The following GPR176 variants were observed in gnomAD, a reference collection of about 807,000 sequenced individuals.
GPR176 encodes the protein G protein-coupled receptor 176, also known as G-protein coupled receptor 176.
GPR176 carries 26 observed loss-of-function variants against 35.4 expected under a neutral mutation model. That is an observed-to-expected ratio of 0.74 (90% CI 0.54 to 1.02). The LOEUF (loss-of-function observed/expected upper bound fraction) is 1.02. GPR176 is among the 50% of genes least tolerant of loss of function. GPR176 has a pLI of 0.00. For synonymous variants in GPR176, 278 were observed against 271.3 expected (o/e 1.02, Z -0.24); for missense variants, 597 against 665.3 (o/e 0.90, Z 1.13).
At chr15:39,846,451 G>T (rs935674711) in intron 1 of GPR176, among the ~76,000 whole-genome samples, 1 of 152,200 alleles carries the variant, frequency 6.6e-6, no homozygotes, top group Non-Finnish European at 1.5e-5. Context: ...ACAGAGGCCA[G>T]ATGGGGAACC....
chr15:39,876,428 C>T (rs1431332311), intron 1 of GPR176, among the ~76,000 whole-genome samples: 1 of 151,976 alleles, frequency 6.6e-6, no homozygotes, highest in Non-Finnish European at 1.5e-5. Flanking sequence ...TGGATTTAAA[C>T]ACACCTTCTC....
intron 1 of GPR176, among the ~76,000 whole-genome samples, chr15:39,835,541 T>C (rs1901345832): frequency 6.6e-6 from 1 of 152,148 alleles, no homozygotes; most frequent in Non-Finnish European, 1.5e-5. Flanking sequence ...AGCATCTTTA[T>C]AGCTCATTAT....
chr15:39,902,341 G>C (rs900339246), intron 1 of GPR176, among the ~76,000 whole-genome samples: 2 of 152,114 alleles, frequency 1.3e-5, no homozygotes, highest in African/African-American at 4.8e-5. Flanking sequence ...AGAGCCCATT[G>C]ATTTGTTATT....
chr15:39,836,356 T>C (rs912371687), intron 1 of GPR176, among the ~76,000 whole-genome samples: 3 of 152,110 alleles, frequency 2.0e-5, no homozygotes, highest in Admixed American at 6.6e-5. Context: ...ATATGATATC[T>C]GGTTGCTTAA....
At chr15:39,868,597 T>G (rs2031919769) in intron 1 of GPR176, among the ~76,000 whole-genome samples, 1 of 152,228 alleles carries the variant, frequency 6.6e-6, no homozygotes, top group Non-Finnish European at 1.5e-5. Context: ...ACAGTCATTT[T>G]TAGAACTACT....
Position 39,851,187 on chromosome 15 carries a change from T to C in GPR176, c.173-43929A>G, listed in dbSNP as rs370304483. On this transcript the variant is annotated intron_variant, in intron 1 of 2. Transcript: ENST00000561100. ...AAAACATTTGGGATTGTTCAATTAG[T>C]TTATCCTCTTCTTTAAAAACATTCA... 7.2e-4 allele frequency among the ~76,000 whole-genome samples: 109 copies of C among 152,326 alleles called. 1 individual carries two copies. Among genetic ancestry groups the C allele is most frequent in the African/African-American group, 2.5e-3 (102 of 41,580 alleles).
chr15:39,832,791 GT>G (rs1901178237), intron 1 of GPR176, among the ~76,000 whole-genome samples: 1 of 152,080 alleles, frequency 6.6e-6, no homozygotes, highest in Non-Finnish European at 1.5e-5. Flanking sequence ...GGGCAAACTT[GT>G]TTTAGAGGGT....
At chr15:39,884,153 C>T (rs2032584880) in intron 1 of GPR176, among the ~76,000 whole-genome samples, 1 of 152,226 alleles carries the variant, frequency 6.6e-6, no homozygotes, top group African/African-American at 2.4e-5. Context: ...AGGGGTCACA[C>T]TAACTTGTTG....
intron 1 of GPR176, among the ~76,000 whole-genome samples, chr15:39,816,087 C>T (rs1226089692): frequency 1.3e-5 from 2 of 152,136 alleles, no homozygotes; most frequent in Admixed American, 1.3e-4. Context: ...CAGGTGGAAT[C>T]TAAAACATCC....
chr15:39,850,899 T>A (rs578208376), intron 1 of GPR176, among the ~76,000 whole-genome samples: 1 of 151,928 alleles, frequency 6.6e-6, no homozygotes, highest in East Asian at 1.9e-4. Context: ...GAAAGACCTA[T>A]TAGGAAAACA....
At chr15:39,854,477 T>C (rs2031075901) in intron 1 of GPR176, among the ~76,000 whole-genome samples, 2 of 152,188 alleles carry the variant, frequency 1.3e-5, no homozygotes, top group Admixed American at 6.5e-5. Context: ...AATCATGTCC[T>C]ATGAATTTAG....
intron 1 of GPR176, among the ~76,000 whole-genome samples, chr15:39,909,492 T>C (rs1351858345): frequency 3.3e-5 from 5 of 152,212 alleles, no homozygotes; most frequent in African/African-American, 1.2e-4. Context: ...GCTAGTTTGA[T>C]ACAGAAGTAA....
At chr15:39,901,081 T>C (rs865805346) in intron 1 of GPR176, among the ~76,000 whole-genome samples, 4 of 152,298 alleles carry the variant, frequency 2.6e-5, no homozygotes, top group Middle Eastern at 6.8e-3. Context: ...TCCTGCCTTT[T>C]TGAATAAATA....
chr15:39,832,494 T>C (rs1330484524), intron 1 of GPR176, among the ~76,000 whole-genome samples: 1 of 152,126 alleles, frequency 6.6e-6, no homozygotes, highest in Non-Finnish European at 1.5e-5. Flanking sequence ...AGCAGGTCTA[T>C]GTTCCTTCCG....
rs2033221270 is a variant in GPR176, at chr15:39,899,744, A to G, written c.172+20111T>C. 1.3e-5 allele frequency among the ~76,000 whole-genome samples: 2 copies of G among 152,216 alleles called. 1 individual carries two copies. The highest frequency in any genetic ancestry group is 4.1e-4 in the South Asian group (2 of 4,838). Reference sequence around the variant, plus strand: ...GCCTAAATGATGCAGTAGACATAGTATATCTGGCTTTTGGTAATGTATCTG... The same window carrying G: ...GCCTAAATGATGCAGTAGACATAGTGTATCTGGCTTTTGGTAATGTATCTG... On this transcript the variant is annotated intron_variant, in intron 1 of 2. Coordinates refer to ENST00000561100, the MANE Select transcript of GPR176 (RefSeq NM_007223.3).
intron 1 of GPR176, among the ~76,000 whole-genome samples, chr15:39,838,098 C>A (rs1041332302): frequency 2.0e-5 from 3 of 151,452 alleles, no homozygotes; most frequent in African/African-American, 7.3e-5. Context: ...ATTAGGTTGT[C>A]ATAGATGCAT....
intron 1 of GPR176, among the ~76,000 whole-genome samples, chr15:39,835,391 A>G (rs1901335431): frequency 6.6e-6 from 1 of 152,128 alleles, no homozygotes; most frequent in Admixed American, 6.6e-5. Flanking sequence ...AAATTTTATT[A>G]AAAAACAAAA....
intron 1 of GPR176, among the ~76,000 whole-genome samples, chr15:39,895,364 AAC>A (rs1171884635): frequency 2.3e-4 from 35 of 152,132 alleles, no homozygotes; most frequent in Admixed American, 2.2e-3. Context: ...ATGCAACTGA[AAC>A]ACACATTGAA....
At chr15:39,846,055 G>C (rs1313956931) in intron 1 of GPR176, among the ~76,000 whole-genome samples, 2 of 152,144 alleles carry the variant, frequency 1.3e-5, no homozygotes, top group Non-Finnish European at 2.9e-5. Context: ...TCAAACAGGA[G>C]AGCAACATTT....
Sources: allele counts gnomAD v4.1 joint callset (sites outside exome capture counted in the v4.1 genomes callset), GRCh38; gene constraint gnomAD v4.1.1; transcripts MANE v1.5; gene names NCBI Gene and HGNC (gene_info 2026-07-23, HGNC 2026-07-21).